The following PCDHA6 variants were observed in gnomAD, a reference collection of about 807,000 sequenced individuals.
PCDHA6 encodes the protein protocadherin alpha 6.
PCDHA6 carries 55 observed loss-of-function variants against 60.3 expected under a neutral mutation model. The observed-to-expected ratio is 0.91, with a 90% CI of 0.73 to 1.14. PCDHA6 has a LOEUF of 1.14. Among genes scored for constraint, PCDHA6 ranks in the 50% most tolerant of loss-of-function variants. The pLI is 0.00. For missense variants in PCDHA6, 1,327 were observed against 1,256.5 expected, an observed-to-expected ratio of 1.06 and a Z score of -0.85; for synonymous variants, 652 against 557.9, an observed-to-expected ratio of 1.17 and a Z score of -2.38.
At chr5:140,917,665 T>C (rs1174470921) in intron 1 of PCDHA6, among the ~76,000 whole-genome samples, 4 of 152,220 alleles carry the variant, frequency 2.6e-5, no homozygotes, top group African/African-American at 9.6e-5. Flanking sequence ...AGGAAGTCCT[T>C]TCTCCATTGC....
chr5:140,849,842 C>G, intron 1 of PCDHA6: 1 of 1,598,534 alleles, frequency 6.3e-7, no homozygotes, highest in Non-Finnish European at 8.6e-7. Flanking sequence ...CCGACGTGAA[C>G]GACAACGCAC....
At chr5:140,856,839 A>T in intron 1 of PCDHA6, 1 of 1,592,670 alleles carries the variant, frequency 6.3e-7, no homozygotes, top group Non-Finnish European at 8.6e-7. Context: ...ATACGGCTCA[A>T]CGCTTCTGAT....
In PCDHA6 at chr5:140,952,684, C is replaced by T. The variant is rs1165956619; in HGVS notation, c.2395-26265C>T. On this transcript the variant is annotated intron_variant, in intron 1 of 3. Coordinates refer to ENST00000529310, the MANE Select transcript of PCDHA6 (RefSeq NM_018909.4). The stretch of plus-strand genomic sequence containing the variant: ...AAAGTCACTTTCACATTTTCAGGAT[C>T]TTTATAGCAATATCCCACTCTCAGT... Among the ~76,000 whole-genome samples the T allele has an allele frequency of 2.0e-5, 3 of 152,308 alleles. No individual in the cohort carries two copies. The East Asian group carries it at 5.8e-4, about 29-fold the overall frequency.
In PCDHA6 at chr5:140,829,280, C is replaced by T; in HGVS notation, c.1189C>T (p.Leu397=). The change falls in exon 1 of 4, where the codon CTG becomes TTG. Residue 397 remains leucine (L), a synonymous_variant. Coordinates refer to ENST00000529310, the MANE Select transcript of PCDHA6 (RefSeq NM_018909.4). ...GCTGACGCCTCACGTCCCTTTCAAG[C>T]TGGTGTCCACCTTCAAGAATTACTA... ...CSLTPHVPFK[L]VSTFKNYYSL... 6.2e-7 allele frequency: 1 copy of T among 1,614,282 alleles called. No individual in the cohort carries two copies. Among genetic ancestry groups the T allele is most frequent in the Non-Finnish European group, 8.5e-7 (1 of 1,180,058 alleles).
At chr5:140,902,203 C>CTTTTTTTTT (rs148688132) in intron 1 of PCDHA6, among the ~76,000 whole-genome samples, 1 of 124,460 alleles carries the variant, frequency 8.0e-6, no homozygotes. Flanking sequence ...CTCTCTCTTT[C>CTTTTTTTTT]TTTTTTTTTT....
At position 140,829,914 on chromosome 5, in the gene PCDHA6, C is replaced by G. The variant is rs2150177647; in HGVS notation, c.1823C>G (p.Ser608Trp). ...GACTCAGGCTACAACGCGTGGCTTT[C>G]GTATGAGCTGCAGCCCCCGGCAAGC... ...DADSGYNAWL[S>W]YELQPPASSA... Residue 608 changes from serine to tryptophan, a missense_variant, in exon 1 of 4, where the codon TCG becomes TGG. Coordinates refer to ENST00000529310, the MANE Select transcript of PCDHA6 (RefSeq NM_018909.4). The G allele has an allele frequency of 6.2e-7, 1 of 1,613,998 alleles. No homozygotes were observed.
intron 1 of PCDHA6, among the ~76,000 whole-genome samples, chr5:140,936,879 C>A (rs2091197572): frequency 6.6e-6 from 1 of 152,054 alleles, no homozygotes; most frequent in African/African-American, 2.4e-5. Flanking sequence ...AAAAACCCTG[C>A]TTTGATTTTA....
rs1465056587 is a variant in PCDHA6, at chr5:140,851,176, T to G, written c.2394+20691T>G. The G allele has an allele frequency of 9.5e-6, 12 of 1,259,426 alleles. 2 individuals carry two copies. Among genetic ancestry groups the G allele is most frequent in the Non-Finnish European group, 1.2e-5 (12 of 979,742 alleles). The allele number at this position is 1,259,426 out of a possible 1,614,324, so 78.0% of individuals were successfully genotyped here. A position where few individuals can be genotyped will look rare whatever the true frequency, so the allele number is the denominator to read the frequency against. Reference sequence around the variant, plus strand: ...TCTGATGCTATGCTGCCATAACACTTGAAAACCAATTTAGTTGTTAGTCAT... The same window carrying G: ...TCTGATGCTATGCTGCCATAACACTGGAAAACCAATTTAGTTGTTAGTCAT... On this transcript the variant is annotated intron_variant, in intron 1 of 3. Coordinates refer to ENST00000529310, the MANE Select transcript of PCDHA6 (RefSeq NM_018909.4).
At chr5:140,857,744 G>T (rs1374937613) in intron 1 of PCDHA6, 1 of 1,597,416 alleles carries the variant, frequency 6.3e-7, no homozygotes, top group Non-Finnish European at 8.6e-7. Context: ...CGCGCTGCTG[G>T]CGTCTCCCGC....
At chr5:140,927,641 CTG>C (rs782418145) in intron 1 of PCDHA6, 23 of 1,614,074 alleles carry the variant, frequency 1.4e-5, no homozygotes, top group Non-Finnish European at 1.4e-5. Flanking sequence ...CCCAATGGGA[CTG>C]TGTTATTCCG....
chr5:140,877,014 C>T, intron 1 of PCDHA6: 4 of 1,612,440 alleles, frequency 2.5e-6, no homozygotes, highest in Non-Finnish European at 2.5e-6. Flanking sequence ...ACGCGGAGAG[C>T]GGCAAGGTGT....
chr5:140,909,454 C>G (rs1317276726), intron 1 of PCDHA6, among the ~76,000 whole-genome samples: 2 of 152,190 alleles, frequency 1.3e-5, no homozygotes, highest in African/African-American at 4.8e-5. Flanking sequence ...TCTCCAAGAT[C>G]CATCTGTCTT....
intron 1 of PCDHA6, chr5:140,857,554 G>C: frequency 1.3e-6 from 2 of 1,596,880 alleles, no homozygotes; most frequent in Non-Finnish European, 1.7e-6. Flanking sequence ...GCGAGCGCTC[G>C]CTGTCGAGCT....
chr5:140,986,018 C>T (rs943946792), intron 3 of PCDHA6, among the ~76,000 whole-genome samples: 2 of 152,110 alleles, frequency 1.3e-5, no homozygotes, highest in African/African-American at 2.4e-5. Flanking sequence ...GGATTACAGG[C>T]GTGAGCCACT....
chr5:140,907,883 G>GTGAA (rs2073669227), intron 1 of PCDHA6, among the ~76,000 whole-genome samples: 1 of 152,110 alleles, frequency 6.6e-6, no homozygotes, highest in Non-Finnish European at 1.5e-5. Flanking sequence ...CACTCACATG[G>GTGAA]GATACAAATA....
chr5:140,997,577 T>G (rs2097775398), intron 3 of PCDHA6, among the ~76,000 whole-genome samples: 1 of 152,186 alleles, frequency 6.6e-6, no homozygotes, highest in Admixed American at 6.5e-5. Flanking sequence ...GTGTGGTCCG[T>G]TGTTGACTGA....
In PCDHA6 at chr5:140,925,899, G is replaced by T. The variant is rs149135478; in HGVS notation, c.2395-53050G>T. ...TATAACCTCCTCTTTCACCCAGATC[G>T]TCAAGGGCCGTTTGCAAAGCACTCC... is the stretch of plus-strand genomic sequence containing the variant. On this transcript the variant is annotated intron_variant, in intron 1 of 3. Transcript: ENST00000529310. Among the ~76,000 whole-genome samples, 277 of 151,958 alleles carry T rather than the reference G, an allele frequency of 1.8e-3. 3 individuals carry two copies. The highest frequency in any genetic ancestry group is 6.4e-3 in the African/African-American group (264 of 41,382).
chr5:140,845,808 A>C (rs1780048238), intron 1 of PCDHA6, among the ~76,000 whole-genome samples: 1 of 149,776 alleles, frequency 6.7e-6, no homozygotes, highest in Non-Finnish European at 1.5e-5. Context: ...AGTGATAGGT[A>C]CATAATAAAA....
intron 1 of PCDHA6, chr5:140,848,444 C>A: frequency 6.7e-7 from 1 of 1,498,894 alleles, no homozygotes; most frequent in Non-Finnish European, 9.1e-7. Flanking sequence ...CAGATGATTT[C>A]TTCTAATTTG....
Sources: gnomAD v4.1 joint callset for allele counts (sites outside exome capture counted in the v4.1 genomes callset) on GRCh38, gnomAD v4.1.1 for gene constraint, MANE v1.5 for transcripts, NCBI Gene and HGNC (gene_info 2026-07-23, HGNC 2026-07-21) for gene names.